SYT10: variants seen among roughly 807,000 people sequenced by gnomAD.
The protein encoded by SYT10 is synaptotagmin 10.
In SYT10, 31 loss-of-function variants were observed where a neutral mutation model predicts 51.1. That is an observed-to-expected ratio of 0.61 (90% CI 0.46 to 0.82). The LOEUF is 0.82. Ranked by LOEUF, SYT10 falls within the 40% of genes least tolerant of loss-of-function variation. The pLI, the probability that SYT10 is intolerant of heterozygous loss-of-function variation, is 0.00. For missense variants in SYT10, 603 were observed against 634.0 expected (o/e 0.95, Z 0.53); for synonymous variants, 233 against 225.9 (o/e 1.03, Z -0.28).
At chr12:33,415,128 G>T (rs1296497902) in intron 2 of SYT10, among the ~76,000 whole-genome samples, 1 of 152,178 alleles carries the variant, frequency 6.6e-6, no homozygotes, top group Non-Finnish European at 1.5e-5. Context: ...CTACAGTTTG[G>T]TTCTAGCTTC....
chr12:33,396,707 T>A (rs906003030), intron 3 of SYT10, among the ~76,000 whole-genome samples: 1 of 151,332 alleles, frequency 6.6e-6, no homozygotes, highest in Non-Finnish European at 1.5e-5. Context: ...TTTTTTGAGA[T>A]GGAGTCTCGC....
In SYT10 at chr12:33,406,961, A is replaced by G. The variant is rs751127584; in HGVS notation, c.905T>C (p.Phe302Ser). The change falls in exon 3 of 7, where the codon TTT becomes TCT. Residue 302 changes from phenylalanine (F) to serine (S), a missense_variant. Coordinates refer to ENST00000228567, the MANE Select transcript of SYT10 (RefSeq NM_198992.4). ...GCTTAGTTGATCATATGCTACAGGA[A>G]ATTGAAAAGTTTCATCAAATAGAGG... is the stretch of plus-strand genomic sequence containing the variant. ...LNPLFDETFQ[F>S]PVAYDQLSNR... The G allele has an allele frequency of 1.2e-6, 2 of 1,614,108 alleles. No individual in the cohort carries two copies. Among genetic ancestry groups the G allele is most frequent in the Non-Finnish European group, 1.7e-6 (2 of 1,180,010 alleles).
intron 2 of SYT10, among the ~76,000 whole-genome samples, chr12:33,419,603 T>C (rs16920995): frequency 0.041 from 6,173 of 152,256 alleles, 411 homozygotes; most frequent in African/African-American, 0.14. Context: ...ATTATGAGAA[T>C]AACATACTGC....
rs146280240 is a variant in SYT10, at chr12:33,434,728, T to C, written c.151+4644A>G. ...GCTGAGGCAGGAGAATCGCTTGAAC[T>C]TGGGAGGCGGAGGTTGTGATGAGCT... On this transcript the variant is annotated intron_variant, in intron 1 of 6. Coordinates refer to ENST00000228567, the MANE Select transcript of SYT10 (RefSeq NM_198992.4). Among the ~76,000 whole-genome samples the C allele has an allele frequency of 5.9e-5, 9 of 152,124 alleles. 1 individual carries two copies. The highest frequency in any genetic ancestry group is 2.2e-4 in the African/African-American group (9 of 41,526).
intron 3 of SYT10, among the ~76,000 whole-genome samples, chr12:33,395,087 C>G (rs1321934966): frequency 2.6e-5 from 4 of 152,120 alleles, no homozygotes; most frequent in Non-Finnish European, 5.9e-5. Flanking sequence ...GACTCCGTCT[C>G]AAAACAAACA....
chr12:33,398,188 A>G (rs1866272962), intron 3 of SYT10, among the ~76,000 whole-genome samples: 1 of 152,136 alleles, frequency 6.6e-6, no homozygotes, highest in Admixed American at 6.5e-5. Flanking sequence ...AGACGGCATT[A>G]TGAGTATACA....
chr12:33,389,701 G>A (rs1389408791), intron 3 of SYT10, among the ~76,000 whole-genome samples: 1 of 151,988 alleles, frequency 6.6e-6, no homozygotes, highest in Non-Finnish European at 1.5e-5. Flanking sequence ...CATCAACTTA[G>A]CACCTTGAAT....
Position 33,407,090 on chromosome 12 carries a change from G to C in SYT10, c.776C>G (p.Pro259Arg), listed in dbSNP as rs1866361362. Residue 259 changes from proline (P) to arginine (R), a missense_variant, in exon 3 of 7, where the codon CCT becomes CGT. By Grantham distance (103) the Pro-to-Arg change is moderately radical. Transcript: ENST00000228567. ...VVKIIKALDL[P>R]AKDFTGTSDP... ...AGAAGTTCCTGTGAAGTCTTTAGCA[G>C]GGAGATCTAAAGCTTTGATAATTTT... 7 of 1,613,788 alleles carry C rather than the reference G, an allele frequency of 4.3e-6. No individual in the cohort carries two copies. In the East Asian group the frequency reaches 1.6e-4, roughly 36 times the overall value.
In SYT10 at chr12:33,407,171, C is replaced by T. The variant is rs751592320; in HGVS notation, c.695G>A (p.Cys232Tyr). 7 of 1,614,008 alleles carry T rather than the reference C, an allele frequency of 4.3e-6. No individual in the cohort carries two copies. In the African/African-American group the frequency reaches 6.7e-5, roughly 15 times the overall value. ...CTGGAGGGTAAAGTTAAGTTTCCCA[C>T]AGATTTTGACATCTTCGTTTTGGTT... Reference protein sequence around the residue: ...EGNQNEDVKICGKLNFTLQYD... With the variant: ...EGNQNEDVKIYGKLNFTLQYD... The change falls in exon 3 of 7, where the codon TGT (cysteine) becomes TAT (tyrosine). Residue 232 changes from cysteine to tyrosine, a missense_variant. Physicochemically the swap from Cys to Tyr is radical, Grantham distance 194 (BLOSUM62 -2). Transcript: ENST00000228567.
chr12:33,430,736 T>G (rs1866590186), intron 1 of SYT10, among the ~76,000 whole-genome samples: 1 of 152,158 alleles, frequency 6.6e-6, no homozygotes, highest in African/African-American at 2.4e-5. Flanking sequence ...CTTTCCTGCT[T>G]CCTGTTGTTG....
intron 1 of SYT10, among the ~76,000 whole-genome samples, chr12:33,433,949 A>T (rs1866617439): frequency 6.6e-6 from 1 of 152,192 alleles, no homozygotes; most frequent in African/African-American, 2.4e-5. Flanking sequence ...ACTAGTGATG[A>T]TTTGAAGGGA....
chr12:33,405,766 T>C (rs1360002629), intron 3 of SYT10: 4 of 151,406 alleles, frequency 2.6e-5, no homozygotes, highest in Admixed American at 6.6e-5. Flanking sequence ...AAATTAAATG[T>C]CCCCATTTAA....
intron 3 of SYT10, among the ~76,000 whole-genome samples, chr12:33,387,199 T>C (rs1185713738): frequency 6.6e-6 from 1 of 152,212 alleles, no homozygotes; most frequent in Non-Finnish European, 1.5e-5. Flanking sequence ...ATGATTCTCA[T>C]TTCTTTATTC....
In SYT10 at chr12:33,376,639, T is replaced by C. The variant is rs774277386; in HGVS notation, c.*191A>G. ...ATGCCTTATGCAACTAAGGACTATA[T>C]GTATTCAAGTAAAATGTATTGATGT... On this transcript the variant is annotated 3_prime_UTR_variant, in exon 7 of 7. Coordinates refer to ENST00000228567, the MANE Select transcript of SYT10 (RefSeq NM_198992.4). The C allele has an allele frequency of 9.7e-6, 6 of 618,496 alleles. No individual in the cohort carries two copies. The Admixed American group carries it at 1.8e-4, about 18-fold the overall frequency. The allele number at this position is 618,496 out of a possible 1,614,324, so 38.3% of individuals were successfully genotyped here.
At position 33,439,404 on chromosome 12, in the gene SYT10, C is replaced by G. The variant is rs780560548; in HGVS notation, c.119G>C (p.Arg40Pro). The G allele has an allele frequency of 4.3e-6, 7 of 1,613,962 alleles. No homozygotes were observed. The highest frequency in any genetic ancestry group is 1.7e-5 in the Admixed American group (1 of 60,008). Residue 40 changes from arginine to proline, a missense_variant, in exon 1 of 7, where the codon CGG (arginine) becomes CCG (proline). Physicochemically the swap from Arg to Pro is moderately radical, Grantham distance 103 (BLOSUM62 -2). Transcript: ENST00000228567. Reference sequence around the variant, plus strand: ...GCTTCCGCCCTGGCTGCCCCTGTCCCGAGGGAAGATGCCCGAGCACTTCTC... The same window carrying G: ...GCTTCCGCCCTGGCTGCCCCTGTCCGGAGGGAAGATGCCCGAGCACTTCTC... ...EWEKCSGIFP[R>P]DRGSQGGSST...
chr12:33,382,833 G>GA (rs1591980948), intron 4 of SYT10, among the ~76,000 whole-genome samples: 2 of 152,172 alleles, frequency 1.3e-5, no homozygotes, highest in East Asian at 3.9e-4. Flanking sequence ...TCAATTACTG[G>GA]AAAAGGACCT....
rs534850778 is a variant in SYT10, at chr12:33,435,474, G to C, written c.151+3898C>G. Among the ~76,000 whole-genome samples, 136 of 152,296 alleles carry C rather than the reference G, an allele frequency of 8.9e-4. 2 individuals carry two copies. Among genetic ancestry groups the C allele is most frequent in the Non-Finnish European group, 2.9e-4 (20 of 68,028 alleles). On this transcript the variant is annotated intron_variant, in intron 1 of 6. Transcript: ENST00000228567. ...GAAGTTGGCCACTCTTCAGTGGAGT[G>C]ACAATGTGGAGGAAGGAAAAATATC...
chr12:33,398,903 A>G (rs546235059), intron 3 of SYT10, among the ~76,000 whole-genome samples: 2 of 152,324 alleles, frequency 1.3e-5, no homozygotes, highest in African/African-American at 2.4e-5. Context: ...GTCAAGCCAT[A>G]CAGAGATAAG....
intron 1 of SYT10, among the ~76,000 whole-genome samples, chr12:33,437,399 C>G (rs1866646811): frequency 6.6e-6 from 1 of 152,216 alleles, no homozygotes; most frequent in African/African-American, 2.4e-5. Context: ...ACTACAACTA[C>G]TTCTTGCAGT....
Sources: allele counts gnomAD v4.1 joint callset (sites outside exome capture counted in the v4.1 genomes callset), GRCh38; gene constraint gnomAD v4.1.1; transcripts MANE v1.5; gene names NCBI Gene and HGNC (gene_info 2026-07-23, HGNC 2026-07-21).